Variants in ATP8B2 observed in about 807,000 individuals in gnomAD.
ATP8B2 encodes the protein ATPase phospholipid transporting 8B2.
A neutral mutation model predicts 133.4 loss-of-function variants in ATP8B2; 70 were observed. That is an observed-to-expected ratio of 0.52 (90% CI 0.43 to 0.64). The LOEUF (loss-of-function observed/expected upper bound fraction) is 0.64, where lower values mean the gene tolerates loss of function less well. Among genes scored for constraint, ATP8B2 ranks in the 30% least tolerant of loss-of-function variants. The pLI, the probability that ATP8B2 is intolerant of heterozygous loss-of-function variation, is 0.00. For missense variants in ATP8B2, 1,101 were observed against 1,535.7 expected (o/e 0.72, Z 4.73); for synonymous variants, 517 against 589.5 (o/e 0.88, Z 1.78).
chr1:154,348,322 G>A (rs1686661645), intron 26 of ATP8B2, 86 bp from the exon 27 acceptor site: 2 of 1,446,834 alleles, frequency 1.4e-6, no homozygotes, highest in South Asian at 1.4e-5. Context: ...TAGGCTTTGA[G>A]AGTAGGGAAG....
At position 154,348,577 on chromosome 1, in the gene ATP8B2, G is replaced by C. The variant is rs770861247; in HGVS notation, c.3294+39G>C. On this transcript the variant is annotated intron_variant, in intron 27 of 27. Coordinates refer to ENST00000368489, the MANE Select transcript of ATP8B2 (RefSeq NM_001370597.1). ...CTACCTGCTGTGGGAGGCAGAGATG[G>C]GGTGGCTGGAAAGGCCTCATGTGAA... The C allele has an allele frequency of 2.5e-6, 4 of 1,606,562 alleles. No homozygotes were observed. The Admixed American group carries it at 6.7e-5, about 27-fold the overall frequency.
rs775485797 is a variant in ATP8B2 at position 154,348,988 on chromosome 1, G to T, written c.3443G>T (p.Arg1148Leu). 1.2e-6 allele frequency: 2 copies of T among 1,614,126 alleles called. No homozygotes were observed. Among genetic ancestry groups the T allele is most frequent in the Non-Finnish European group, 1.7e-6 (2 of 1,180,050 alleles). ...GELIMSGKNMRLSSLALSSFT... is the reference protein window; with the variant it reads ...GELIMSGKNMLLSSLALSSFT... Reference sequence around the variant, plus strand: ...CTCATCATGTCTGGCAAGAACATGCGGCTGAGCTCTCTCGCGCTCTCCAGC... The same window carrying T: ...CTCATCATGTCTGGCAAGAACATGCTGCTGAGCTCTCTCGCGCTCTCCAGC... Residue 1148 changes from arginine (R) to leucine (L), a missense_variant, in exon 28 of 28, where the codon CGG (arginine) becomes CTG (leucine). Arg to Leu is a moderately radical substitution (Grantham distance 102). Transcript: ENST00000368489.
Position 154,331,160 on chromosome 1 carries a change from A to G in ATP8B2, c.303+14A>G. The stretch of plus-strand genomic sequence containing the variant: ...ACTGATGACTATGTGAGTGGTTTTC[A>G]TTCTTCTATTTTGTCCCAGTCACCC... On this transcript the variant is annotated intron_variant, in intron 5 of 27. Transcript: ENST00000368489. This position sits in a 1 kb window ranked among gnomAD's most constrained non-coding sequence, Gnocchi z 4.8. 1 of 1,608,808 alleles carries G rather than the reference A, an allele frequency of 6.2e-7. No homozygotes were observed. Among genetic ancestry groups the G allele is most frequent in the Non-Finnish European group, 8.5e-7 (1 of 1,175,574 alleles).
rs377491747 is a variant in ATP8B2 at position 154,347,716 on chromosome 1, G to A, written c.3164-692G>A. Among the ~76,000 whole-genome samples the A allele has an allele frequency of 5.3e-5, 8 of 152,188 alleles. No individual in the cohort carries two copies. In the East Asian group the frequency reaches 1.4e-3, roughly 26 times the overall value. ...AGTACTTTGGGAGGCCGAGGTAGGC[G>A]GATTACCTGAGGTTGGGAGTTCAAG... On this transcript the variant is annotated intron_variant, in intron 26 of 27. Coordinates refer to ENST00000368489, the MANE Select transcript of ATP8B2 (RefSeq NM_001370597.1).
Position 154,345,183 on chromosome 1 carries a change from C to A in ATP8B2, c.2470+29C>A. 1 of 1,606,428 alleles carries A rather than the reference C, an allele frequency of 6.2e-7. No individual in the cohort carries two copies. The highest frequency in any genetic ancestry group is 8.5e-7 in the Non-Finnish European group (1 of 1,174,886). On this transcript the variant is annotated intron_variant, in intron 22 of 27. Coordinates refer to ENST00000368489, the MANE Select transcript of ATP8B2 (RefSeq NM_001370597.1). This position sits in a 1 kb window ranked among gnomAD's most constrained non-coding sequence, Gnocchi z 5.6. ...AGTGTGGGCTGTGCAGGTGTGTAGG[C>A]TGGGCTTGAGGCTGGGGAGGGGCCC...
In ATP8B2 at chr1:154,330,398, GAAGA is replaced by G; in HGVS notation, c.38_41del (p.Glu13GlyfsTer56). 6 of 1,605,704 alleles carry G rather than the reference GAAGA, an allele frequency of 3.7e-6. No homozygotes were observed. The highest frequency in any genetic ancestry group is 5.1e-6 in the Non-Finnish European group (6 of 1,175,110). ...ACTGCAGCATCATTTTGTTGCAGAA[GAAGA>G]AAGGAGGGCGCGGGCTAATGACCGA... On this transcript the variant is annotated frameshift_variant, in exon 3 of 28. Coordinates refer to ENST00000368489, the MANE Select transcript of ATP8B2 (RefSeq NM_001370597.1). LOFTEE classifies it high-confidence loss of function.
chr1:154,344,475 G>A lies in ATP8B2; in HGVS notation c.2116G>A (p.Val706Ile). 2 of 1,614,180 alleles carry A rather than the reference G, an allele frequency of 1.2e-6. No homozygotes were observed. The highest frequency in any genetic ancestry group is 1.7e-6 in the Non-Finnish European group (2 of 1,180,034). The change falls in exon 20 of 28, where the codon GTC becomes ATC. Residue 706 changes from valine (V) to isoleucine (I), a missense_variant. Val to Ile is a conservative substitution (Grantham distance 29). Transcript: ENST00000368489. The surrounding 1 kb of genome is among the most constrained non-coding windows in gnomAD (Gnocchi z 4.1). ...TEVFIVTGHTVLEVREELRKA... is the reference protein window; with the variant it reads ...TEVFIVTGHTILEVREELRKA... ...GGTTTTCATAGTCACTGGCCATACT[G>A]TCCTGGAGGTGCGGGAGGAGCTCAG...
At chr1:154,341,111 A>G (rs1192404284) in intron 13 of ATP8B2, 49 bp downstream of exon 13, 2 of 1,598,694 alleles carry the variant, frequency 1.3e-6, no homozygotes, top group Non-Finnish European at 1.7e-6. Flanking sequence ...GCCTGGAAGG[A>G]CAGTGGAACT....
intron 1 of ATP8B2, among the ~76,000 whole-genome samples, chr1:154,326,213 T>G (rs1441589063): frequency 6.6e-6 from 1 of 152,098 alleles, no homozygotes; most frequent in Non-Finnish European, 1.5e-5. Flanking sequence ...CTGAGTTCTG[T>G]CCTTGGTGAG....
chr1:154,341,844 T>A (rs975616839), intron 13 of ATP8B2: 2 of 153,690 alleles, frequency 1.3e-5, no homozygotes, highest in African/African-American at 4.8e-5. Flanking sequence ...CCTCTCCTGA[T>A]GCCCTGACCC....
In ATP8B2 at chr1:154,330,933, G is replaced by A; in HGVS notation, c.204+5G>A. 6.2e-7 allele frequency: 1 copy of A among 1,611,700 alleles called. No individual in the cohort carries two copies. The highest frequency in any genetic ancestry group is 8.5e-7 in the Non-Finnish European group (1 of 1,177,926). On this transcript the variant is annotated splice_donor_5th_base_variant and intron_variant, in intron 4 of 27. Transcript: ENST00000368489. ...CTGTTCCTCCTCATTCTGCAGGTAG[G>A]TGACCCATAGTAGATTTTTTGCAGC... is the stretch of plus-strand genomic sequence containing the variant.
chr1:154,331,355 C>CG lies in ATP8B2; in HGVS notation c.304-88dup, dbSNP rs761475227. ...GGTTTGTGATGGGGTGTGTATGAGG[C>CG]GTTAACCAGCATGCTCTGAGTTCTA... On this transcript the variant is annotated intron_variant, in intron 5 of 27. Transcript: ENST00000368489. This position sits in a 1 kb window ranked among gnomAD's most constrained non-coding sequence, Gnocchi z 4.8. The CG allele has an allele frequency of 3.6e-6, 5 of 1,404,022 alleles. No homozygotes were observed. Among genetic ancestry groups the CG allele is most frequent in the Non-Finnish European group, 4.0e-6 (4 of 994,420 alleles). The allele number at this position is 1,404,022 out of a possible 1,614,324, so 87.0% of individuals were successfully genotyped here. A position where few individuals can be genotyped will look rare whatever the true frequency, so the allele number is the denominator to read the frequency against.
chr1:154,335,381 A>G (rs1197767849), intron 11 of ATP8B2, among the ~76,000 whole-genome samples: 1 of 152,204 alleles, frequency 6.6e-6, no homozygotes, highest in Non-Finnish European at 1.5e-5. Flanking sequence ...TCCAAAATTT[A>G]TAAGATTTTT....
In ATP8B2 at chr1:154,328,190, G is replaced by C; in HGVS notation, c.31+18G>C. On this transcript the variant is annotated intron_variant, in intron 2 of 27. Coordinates refer to ENST00000368489, the MANE Select transcript of ATP8B2 (RefSeq NM_001370597.1). The surrounding 1 kb of genome is among the most constrained non-coding windows in gnomAD (Gnocchi z 4.6). ...CCCCCCAGGTAAGACAGGCAAGGAG[G>C]GGAGATCCCGGGAACCATCAAGAGT... 1 of 1,606,792 alleles carries C rather than the reference G, an allele frequency of 6.2e-7. No homozygotes were observed.
rs756243141 is a variant in ATP8B2, at chr1:154,349,036, G to A, written c.3491G>A (p.Ser1164Asn). The A allele has an allele frequency of 3.1e-6, 5 of 1,614,126 alleles. No individual in the cohort carries two copies. The Admixed American group carries it at 8.3e-5, about 27-fold the overall frequency. Residue 1164 changes from serine to asparagine, a missense_variant, in exon 28 of 28, where the codon AGC becomes AAC. Transcript: ENST00000368489. ...LSSFTTRSSS[S>N]WIESLRRKKS... Reference sequence around the variant, plus strand: ...AGCTTCACCACCCGCTCCAGCTCCAGCTGGATTGAGAGCCTGCGCAGGAAG... The same window carrying A: ...AGCTTCACCACCCGCTCCAGCTCCAACTGGATTGAGAGCCTGCGCAGGAAG...
Position 154,350,584 on chromosome 1 carries a change from C to T in ATP8B2, c.*1466C>T, listed in dbSNP as rs1267782395. On this transcript the variant is annotated 3_prime_UTR_variant, in exon 28 of 28. Transcript: ENST00000368489. The stretch of plus-strand genomic sequence containing the variant: ...CTTCAGTAAGCAAGGAGCCCCGCCC[C>T]TCAGGCCCAGCCTCTGGCAAGAGGT... 3.3e-5 allele frequency: 5 copies of T among 152,448 alleles called. No individual in the cohort carries two copies. Among genetic ancestry groups the T allele is most frequent in the African/African-American group, 1.2e-4 (5 of 41,590 alleles). The allele number at this position is 152,448 out of a possible 1,614,324, so 9.4% of individuals were successfully genotyped here. A position where few individuals can be genotyped will look rare whatever the true frequency, so the allele number is the denominator to read the frequency against.
chr1:154,341,225 C>T, intron 13 of ATP8B2, 163 bp downstream of exon 13: 1 of 750,386 alleles, frequency 1.3e-6, no homozygotes, highest in African/African-American at 1.7e-5. Flanking sequence ...TGGCTCATGC[C>T]TATAGTCATA....
intron 1 of ATP8B2, chr1:154,327,725 G>T: frequency 6.8e-7 from 1 of 1,471,714 alleles, no homozygotes; most frequent in South Asian, 1.1e-5. Context: ...CCACCCTTTG[G>T]GGAAACTGCT....
chr1:154,334,290 A>G lies in ATP8B2; in HGVS notation c.748+25A>G. 1.2e-6 allele frequency: 2 copies of G among 1,612,462 alleles called. No individual in the cohort carries two copies. Among genetic ancestry groups the G allele is most frequent in the Non-Finnish European group, 1.7e-6 (2 of 1,178,664 alleles). On this transcript the variant is annotated intron_variant, in intron 10 of 27. Transcript: ENST00000368489. The surrounding 1 kb of genome is among the most constrained non-coding windows in gnomAD (Gnocchi z 4.6). The stretch of plus-strand genomic sequence containing the variant: ...GGTGAGCCTCCTAGCATCCAAAGAA[A>G]GAAGGGTAAGAGTGACTCAGCCAGC...
Sources: allele counts gnomAD v4.1 joint callset (sites outside exome capture counted in the v4.1 genomes callset), GRCh38; gene constraint gnomAD v4.1.1; non-coding constraint Gnocchi (gnomAD v3.1); transcripts MANE v1.5; gene names NCBI Gene and HGNC (gene_info 2026-07-23, HGNC 2026-07-21).